PLCL1: variants seen among roughly 807,000 people sequenced by gnomAD.
PLCL1 encodes the protein phospholipase C like 1 (inactive).
A neutral mutation model predicts 84.4 loss-of-function variants in PLCL1; 41 were observed. The observed-to-expected ratio is 0.49, with a 90% CI of 0.38 to 0.63. The LOEUF (loss-of-function observed/expected upper bound fraction) is 0.63, where lower values mean the gene tolerates loss of function less well. Among genes scored for constraint, PLCL1 ranks in the 30% least tolerant of loss-of-function variants. The pLI is 0.00. For missense variants in PLCL1, 1,206 were observed against 1,367.8 expected (o/e 0.88, Z 1.87); for synonymous variants, 490 against 488.3 (o/e 1.00, Z -0.05).
chr2:198,135,769 A>G (rs563488384), intron 5 of PLCL1, among the ~76,000 whole-genome samples: 5 of 152,204 alleles, frequency 3.3e-5, no homozygotes, highest in Non-Finnish European at 7.4e-5. Flanking sequence ...GTCTGTCACA[A>G]AAGATAATGT....
At chr2:198,074,022 T>C (rs1692522996) in intron 1 of PLCL1, among the ~76,000 whole-genome samples, 1 of 152,194 alleles carries the variant, frequency 6.6e-6, no homozygotes, top group Non-Finnish European at 1.5e-5. Context: ...ATATTTTTTG[T>C]AATGAAAAAC....
At chr2:197,979,707 C>T (rs955880174) in intron 1 of PLCL1, among the ~76,000 whole-genome samples, 7 of 152,184 alleles carry the variant, frequency 4.6e-5, no homozygotes, top group Non-Finnish European at 1.0e-4. Flanking sequence ...AGCTGTGTCT[C>T]CTGTCCCCAG....
At chr2:198,139,922 A>T (rs1694344054) in intron 5 of PLCL1, among the ~76,000 whole-genome samples, 1 of 152,070 alleles carries the variant, frequency 6.6e-6, no homozygotes, top group South Asian at 2.1e-4. Flanking sequence ...AATTTGAAAC[A>T]TTAAATTTCA....
rs138257500 is a variant in PLCL1, at chr2:198,148,992, T to A, written c.*2030T>A. The A allele has an allele frequency of 4.6e-5, 7 of 152,482 alleles. No homozygotes were observed. The East Asian group carries it at 1.3e-3, about 29-fold the overall frequency. 9.4% of individuals were successfully genotyped at this position (152,482 alleles called of 1,614,324 possible). On this transcript the variant is annotated 3_prime_UTR_variant, in exon 6 of 6. Transcript: ENST00000428675. ...TCAAAAACGTAATATGGATTCTGCC[T>A]CATCTGATGCTATTTCTGGCAGTGG...
intron 1 of PLCL1, among the ~76,000 whole-genome samples, chr2:197,842,559 A>T (rs1440310708): frequency 6.6e-6 from 1 of 152,094 alleles, no homozygotes; most frequent in East Asian, 1.9e-4. Flanking sequence ...AGAACTTTGA[A>T]TCTCTCTTAT....
chr2:198,059,449 G>A (rs1239643355), intron 1 of PLCL1, among the ~76,000 whole-genome samples: 1 of 152,116 alleles, frequency 6.6e-6, no homozygotes, highest in Non-Finnish European at 1.5e-5. Context: ...CATACTTTGA[G>A]GTAGAAAATT....
At chr2:198,094,189 G>A (rs1693131030) in intron 3 of PLCL1, among the ~76,000 whole-genome samples, 1 of 152,012 alleles carries the variant, frequency 6.6e-6, no homozygotes, top group Non-Finnish European at 1.5e-5. Flanking sequence ...CGCCTCCCCA[G>A]TAGCTGGGAC....
chr2:197,817,087 G>A (rs1690705531), intron 1 of PLCL1, among the ~76,000 whole-genome samples: 1 of 152,078 alleles, frequency 6.6e-6, no homozygotes, highest in South Asian at 2.1e-4. Context: ...GGTACAGTAA[G>A]CTTTCTTTTG....
At chr2:198,055,390 AG>A (rs1692044414) in intron 1 of PLCL1, among the ~76,000 whole-genome samples, 1 of 138,200 alleles carries the variant, frequency 7.2e-6, no homozygotes, top group South Asian at 2.4e-4. Context: ...AGAGAGAGAA[AG>A]ATCTATTGCA....
chr2:197,878,046 A>G (rs537199196), intron 1 of PLCL1, among the ~76,000 whole-genome samples: 76 of 152,276 alleles, frequency 5.0e-4, no homozygotes, highest in Admixed American at 1.0e-3. Flanking sequence ...AAATATGCCT[A>G]TGTATATGGT....
At chr2:197,874,364 GTAGA>G (rs1485059829) in intron 1 of PLCL1, among the ~76,000 whole-genome samples, 3 of 152,018 alleles carry the variant, frequency 2.0e-5, no homozygotes. Context: ...TTTGGAATAT[GTAGA>G]TAAACAAAAA....
intron 1 of PLCL1, among the ~76,000 whole-genome samples, chr2:197,895,377 A>T (rs1057015928): frequency 1.6e-4 from 24 of 152,076 alleles, no homozygotes; most frequent in African/African-American, 5.1e-4. Context: ...TAAATAAAAG[A>T]TCAATCATTT....
intron 1 of PLCL1, among the ~76,000 whole-genome samples, chr2:198,033,249 C>G (rs1035202249): frequency 1.3e-5 from 2 of 152,190 alleles, no homozygotes; most frequent in Non-Finnish European, 2.9e-5. Flanking sequence ...TAGCACTTTT[C>G]TGAGGCCTTA....
chr2:197,828,268 T>C (rs558082744), intron 1 of PLCL1, among the ~76,000 whole-genome samples: 85 of 152,248 alleles, frequency 5.6e-4, no homozygotes, highest in African/African-American at 1.9e-3. Context: ...TGTTGTCAAA[T>C]TGCTTTGAAA....
chr2:197,886,502 A>C (rs1687927209), intron 1 of PLCL1, among the ~76,000 whole-genome samples: 1 of 151,038 alleles, frequency 6.6e-6, no homozygotes, highest in Non-Finnish European at 1.5e-5. Flanking sequence ...CAAGGCCTCA[A>C]AATAAACCTA....
chr2:197,986,478 G>T (rs1690220208), intron 1 of PLCL1, among the ~76,000 whole-genome samples: 1 of 152,136 alleles, frequency 6.6e-6, no homozygotes, highest in African/African-American at 2.4e-5. Context: ...CAGCCTTTGA[G>T]TAGCTAGGAC....
chr2:198,128,050 T>C (rs1347775619), intron 5 of PLCL1, among the ~76,000 whole-genome samples: 1 of 152,206 alleles, frequency 6.6e-6, no homozygotes. Context: ...CAACGATCAG[T>C]ACTAGAAGTA....
At chr2:198,074,499 G>A (rs1023243358) in intron 1 of PLCL1, among the ~76,000 whole-genome samples, 1 of 152,104 alleles carries the variant, frequency 6.6e-6, no homozygotes, top group Admixed American at 6.5e-5. Flanking sequence ...ATAATATATT[G>A]GTGTGTCATA....
At chr2:197,865,393 A>G (rs1332412840) in intron 1 of PLCL1, among the ~76,000 whole-genome samples, 1 of 152,168 alleles carries the variant, frequency 6.6e-6, no homozygotes, top group Non-Finnish European at 1.5e-5. Flanking sequence ...CAAAAATTGG[A>G]AAGTAAACCT....
Sources: allele counts gnomAD v4.1 joint callset (sites outside exome capture counted in the v4.1 genomes callset), GRCh38; gene constraint gnomAD v4.1.1; transcripts MANE v1.5; gene names NCBI Gene and HGNC (gene_info 2026-07-23, HGNC 2026-07-21).